The following UGT1A7 variants were observed in gnomAD, a reference collection of about 807,000 sequenced individuals.
UGT1A7 encodes the protein UDP-glucuronosyltransferase 1A7.
A neutral mutation model predicts 45.6 loss-of-function variants in UGT1A7; 33 were observed. That is an observed-to-expected ratio of 0.72 (90% CI 0.55 to 0.97). UGT1A7 has a LOEUF of 0.97. UGT1A7 is among the 50% of genes least tolerant of loss of function. The pLI, the probability that UGT1A7 is intolerant of heterozygous loss-of-function variation, is 0.00. For missense variants in UGT1A7, 684 were observed against 666.2 expected (o/e 1.03, Z -0.29); for synonymous variants, 274 against 250.6 (o/e 1.09, Z -0.88).
At chr2:233,772,225 G>A in intron 4 of UGT1A7, 37 bp from the exon 5 acceptor site, 2 of 1,613,382 alleles carry the variant, frequency 1.2e-6, no homozygotes, top group Non-Finnish European at 1.7e-6. Flanking sequence ...TCATACCACA[G>A]GTGTTCCAGG....
chr2:233,713,499 G>A, intron 1 of UGT1A7: 4 of 1,614,000 alleles, frequency 2.5e-6, no homozygotes, highest in Middle Eastern at 1.7e-4. Flanking sequence ...GATTCCTGCT[G>A]TGTTTTTCTT....
At chr2:233,730,900 A>G (rs1224057230) in intron 1 of UGT1A7, among the ~76,000 whole-genome samples, 1 of 152,130 alleles carries the variant, frequency 6.6e-6, no homozygotes, top group Non-Finnish European at 1.5e-5. Context: ...CTACTCCTTT[A>G]CCAAAAATTT....
At chr2:233,699,885 G>A (rs2075529887) in intron 1 of UGT1A7, among the ~76,000 whole-genome samples, 1 of 152,260 alleles carries the variant, frequency 6.6e-6, no homozygotes, top group South Asian at 2.1e-4. Flanking sequence ...TGTTGCAATT[G>A]GAGAGGCGAA....
In UGT1A7 at chr2:233,755,421, C is replaced by T. The variant is rs774443994; in HGVS notation, c.856-11613C>T. 197 of 321,386 alleles carry T rather than the reference C, an allele frequency of 6.1e-4. 1 individual carries two copies. The highest frequency in any genetic ancestry group is 1.9e-3 in the Admixed American group (45 of 23,834). 19.9% of individuals were successfully genotyped at this position (321,386 alleles called of 1,614,324 possible). On this transcript the variant is annotated intron_variant, in intron 1 of 4. Transcript: ENST00000373426. ...TCTCATTGGCCGAGGCCTGTGAGCG[C>T]CTCGCATCCCAAGATGCAGTGCTCC... is the stretch of plus-strand genomic sequence containing the variant.
At chr2:233,691,288 T>A in intron 1 of UGT1A7, 1 of 985,466 alleles carries the variant, frequency 1.0e-6, no homozygotes, top group East Asian at 1.1e-4. Flanking sequence ...TTGATCATTG[T>A]AAGCTGCCAA....
In UGT1A7 at chr2:233,701,537, A is replaced by G. The variant is rs968606344; in HGVS notation, c.855+18745A>G. On this transcript the variant is annotated intron_variant, in intron 1 of 4. Transcript: ENST00000373426. ...ACTCTCCACCCCAAATCAACAGAATATACATTCTTTTCAGCACCACACCAC... is the reference window on the plus strand; with the variant it reads ...ACTCTCCACCCCAAATCAACAGAATGTACATTCTTTTCAGCACCACACCAC... Among the ~76,000 whole-genome samples the G allele has an allele frequency of 9.2e-5, 14 of 152,292 alleles. No individual in the cohort carries two copies. The East Asian group carries it at 9.6e-4, about 10-fold the overall frequency.
intron 1 of UGT1A7, chr2:233,755,332 C>A (rs556124321): frequency 5.3e-4 from 243 of 459,718 alleles, no homozygotes; most frequent in African/African-American, 4.6e-3. Flanking sequence ...CCAGCACCCG[C>A]GCACAGGTCA....
chr2:233,723,031 G>A (rs925471070), intron 1 of UGT1A7, among the ~76,000 whole-genome samples: 9 of 143,556 alleles, frequency 6.3e-5, no homozygotes, highest in Admixed American at 1.4e-4. Context: ...AAGGGCCAGC[G>A]GGAGAGGCAG....
intron 1 of UGT1A7, chr2:233,755,174 G>T (rs868590389): frequency 1.1e-5 from 14 of 1,248,736 alleles, no homozygotes; most frequent in Middle Eastern, 4.4e-4. Flanking sequence ...GGTTTTTGTC[G>T]GGGTGCCACT....
intron 1 of UGT1A7, among the ~76,000 whole-genome samples, chr2:233,697,447 T>A (rs2075391159): frequency 6.6e-6 from 1 of 151,962 alleles, no homozygotes; most frequent in Admixed American, 6.5e-5. Context: ...TCTGATTTTA[T>A]CTGAGTGTTT....
chr2:233,758,540 T>C (rs145954073), intron 1 of UGT1A7, among the ~76,000 whole-genome samples: 1 of 152,348 alleles, frequency 6.6e-6, no homozygotes, highest in Non-Finnish European at 1.5e-5. Flanking sequence ...GCTATGTCTA[T>C]TCTGCTTGCC....
chr2:233,743,245 C>T, intron 1 of UGT1A7: 3 of 429,418 alleles, frequency 7.0e-6, no homozygotes, highest in Admixed American at 3.0e-5. Context: ...AGGACTTTAA[C>T]TCAACTCTCC....
intron 1 of UGT1A7, among the ~76,000 whole-genome samples, chr2:233,720,799 G>A (rs796093691): frequency 6.1e-4 from 92 of 151,266 alleles, no homozygotes; most frequent in African/African-American, 2.0e-3. Flanking sequence ...TTCACCTCCC[G>A]GGTTTAAGAA....
chr2:233,706,586 G>A (rs992112289), intron 1 of UGT1A7, among the ~76,000 whole-genome samples: 1 of 152,142 alleles, frequency 6.6e-6, no homozygotes, highest in Non-Finnish European at 1.5e-5. Flanking sequence ...GGAGATGGGA[G>A]GTGGACCTAA....
chr2:233,763,577 T>C (rs1698349758), intron 1 of UGT1A7, among the ~76,000 whole-genome samples: 1 of 152,236 alleles, frequency 6.6e-6, no homozygotes, highest in African/African-American at 2.4e-5. Context: ...TATTTTCTCT[T>C]TCTTCCTTTG....
At chr2:233,729,880 G>T in intron 1 of UGT1A7, 1 of 1,613,860 alleles carries the variant, frequency 6.2e-7, no homozygotes, top group Non-Finnish European at 8.5e-7. Flanking sequence ...TCTCAGTCAT[G>T]CATCTGTGTG....
intron 1 of UGT1A7, among the ~76,000 whole-genome samples, chr2:233,765,992 C>T (rs1575816962): frequency 6.6e-6 from 1 of 152,236 alleles, no homozygotes; most frequent in Middle Eastern, 3.4e-3. Context: ...CCTGAAGCTC[C>T]AGTGGGCGTG....
intron 1 of UGT1A7, among the ~76,000 whole-genome samples, chr2:233,748,613 G>C (rs1489441058): frequency 6.6e-6 from 1 of 151,820 alleles, no homozygotes; most frequent in South Asian, 2.1e-4. Flanking sequence ...AGCAACGAAC[G>C]TGGGATATAT....
At chr2:233,719,666 C>CA in intron 1 of UGT1A7, 22 of 1,614,092 alleles carry the variant, frequency 1.4e-5, no homozygotes, top group Non-Finnish European at 1.9e-5. Context: ...TCAACTGTGC[C>CA]AACGGGAAGC....
Sources: allele counts gnomAD v4.1 joint callset (sites outside exome capture counted in the v4.1 genomes callset), GRCh38; gene constraint gnomAD v4.1.1; transcripts MANE v1.5; gene names NCBI Gene and HGNC (gene_info 2026-07-23, HGNC 2026-07-21).